CD4: variants seen among roughly 807,000 people sequenced by gnomAD.
CD4 encodes CD4 molecule.
Under a neutral mutation model 50.5 loss-of-function variants are expected in CD4, and 25 were observed. The observed-to-expected ratio is 0.49, with a 90% confidence interval of 0.36 to 0.69. The LOEUF (loss-of-function observed/expected upper bound fraction) is 0.69. CD4 is among the 30% of genes least tolerant of loss of function. The pLI is 0.00. For synonymous variants in CD4, 207 were observed against 221.9 expected (o/e 0.93, Z 0.60); for missense variants, 456 against 548.5 (o/e 0.83, Z 1.68).
rs200982580 is a variant in CD4, at chr12:6,818,378, G to C, written c.1157-43G>C. ...AGGGCAGTCCTCAGTCCCCTGGCCC[G>C]TGGAGGAGGGCGGTGCATTGAGCAC... On this transcript the variant is annotated intron_variant, in intron 7 of 9. Transcript: ENST00000011653. The surrounding 1 kb of genome is among the most constrained non-coding windows in gnomAD (Gnocchi z 5.0). The C allele has an allele frequency of 1.2e-6, 2 of 1,600,014 alleles. No homozygotes were observed.
At position 6,819,326 on chromosome 12, in the gene CD4, T is replaced by C; in HGVS notation, c.1374T>C (p.Ile458=). 1 of 1,614,128 alleles carries C rather than the reference T, an allele frequency of 6.2e-7. No individual in the cohort carries two copies. The highest frequency in any genetic ancestry group is 1.1e-5 in the South Asian group (1 of 91,082). ...PHRFQKTCSP[I] The stretch of plus-strand genomic sequence containing the variant: ...GGTTTCAGAAGACATGTAGCCCCAT[T>C]TGAGGCACGAGGCCAGGCAGATCCC... The change falls in exon 10 of 10, where the codon ATT becomes ATC. Residue 458 remains isoleucine (I), a synonymous_variant. Coordinates refer to ENST00000011653, the MANE Select transcript of CD4 (RefSeq NM_000616.5).
At position 6,819,905 on chromosome 12, in the gene CD4, A is replaced by G. The variant is rs2137936269; in HGVS notation, c.*576A>G. 6.5e-6 allele frequency: 1 copy of G among 154,052 alleles called. No individual in the cohort carries two copies. The highest frequency in any genetic ancestry group is 1.9e-4 in the East Asian group (1 of 5,204). The allele number at this position is 154,052 out of a possible 1,614,324, so 9.5% of individuals were successfully genotyped here. The stretch of plus-strand genomic sequence containing the variant: ...AAACAGCCCCTCTGGACACAGCCCC[A>G]TGTACACGGCCTCAAGGGATGTCTC... On this transcript the variant is annotated 3_prime_UTR_variant, in exon 10 of 10. Transcript: ENST00000011653.
intron 1 of CD4, among the ~76,000 whole-genome samples, chr12:6,789,907 G>T (rs1253404556): frequency 6.6e-6 from 1 of 152,218 alleles, no homozygotes; most frequent in Non-Finnish European, 1.5e-5. Flanking sequence ...AGAGCAATGG[G>T]TGCTCCTTAG....
Position 6,818,370 on chromosome 12 carries a change from C to T in CD4, c.1157-51C>T, listed in dbSNP as rs1555118427. 6.2e-7 allele frequency: 1 copy of T among 1,606,018 alleles called. No individual in the cohort carries two copies. Among genetic ancestry groups the T allele is most frequent in the Non-Finnish European group, 8.5e-7 (1 of 1,178,732 alleles). On this transcript the variant is annotated intron_variant, in intron 7 of 9. Transcript: ENST00000011653. This position sits in a 1 kb window ranked among gnomAD's most constrained non-coding sequence, Gnocchi z 5.0. ...GGGATTGCAGGGCAGTCCTCAGTCC[C>T]CTGGCCCGTGGAGGAGGGCGGTGCA...
chr12:6,814,318 G>A lies in CD4; in HGVS notation c.373+18G>A, dbSNP rs1457101557. 1 of 1,609,968 alleles carries A rather than the reference G, an allele frequency of 6.2e-7. No individual in the cohort carries two copies. The highest frequency in any genetic ancestry group is 8.5e-7 in the Non-Finnish European group (1 of 1,177,514). ...GTTCGGATGTGAGTGGGGCAGGTGG[G>A]GATGAGGATACCTCCTGCCTGGTTC... On this transcript the variant is annotated intron_variant, in intron 4 of 9. Transcript: ENST00000011653.
chr12:6,818,491 G>A lies in CD4; in HGVS notation c.1227G>A (p.Leu409=). The change falls in exon 8 of 10, where the codon CTG becomes CTA. Residue 409 remains leucine (L), a synonymous_variant. Coordinates refer to ENST00000011653, the MANE Select transcript of CD4 (RefSeq NM_000616.5). The surrounding 1 kb of genome is among the most constrained non-coding windows in gnomAD (Gnocchi z 5.0). ...TGCTGGGGGGCGTCGCCGGCCTCCT[G>A]CTTTTCATTGGGCTAGGCATCTTCT... is the stretch of plus-strand genomic sequence containing the variant. ...LIVLGGVAGL[L]LFIGLGIFFC... is the part of the protein sequence containing the mutation. The A allele has an allele frequency of 6.2e-7, 1 of 1,613,092 alleles. No individual in the cohort carries two copies.
At chr12:6,800,645 A>G (rs1328873208) in intron 3 of CD4, among the ~76,000 whole-genome samples, 174 bp downstream of exon 3, 1 of 152,164 alleles carries the variant, frequency 6.6e-6, no homozygotes, top group African/African-American at 2.4e-5. Flanking sequence ...TGGCCCAGGG[A>G]AAGGTGGTAT....
At chr12:6,802,367 G>T (rs1942591021) in intron 3 of CD4, among the ~76,000 whole-genome samples, 1 of 150,396 alleles carries the variant, frequency 6.6e-6, no homozygotes, top group Admixed American at 6.6e-5. Flanking sequence ...CTGCTGCCCA[G>T]GCTGGAGTAC....
At chr12:6,812,905 C>G (rs1555117231) in intron 3 of CD4, among the ~76,000 whole-genome samples, 1 of 151,186 alleles carries the variant, frequency 6.6e-6, no homozygotes, top group African/African-American at 2.4e-5. Context: ...TGTGCCTCAG[C>G]CTCCCAGTTT....
intron 4 of CD4, 81 bp downstream of exon 4, chr12:6,814,381 C>A: frequency 2.1e-6 from 3 of 1,453,740 alleles, no homozygotes; most frequent in Non-Finnish European, 2.8e-6. Flanking sequence ...CAAATCCAGC[C>A]TGAGCTGGTG....
intron 7 of CD4, among the ~76,000 whole-genome samples, chr12:6,817,893 GCA>G (rs1250887316): frequency 6.8e-6 from 1 of 147,688 alleles, no homozygotes; most frequent in South Asian, 2.2e-4. Context: ...ACACATTCAC[GCA>G]CATACTCTCA....
At chr12:6,810,196 C>T (rs1183106335) in intron 3 of CD4, among the ~76,000 whole-genome samples, 1 of 152,128 alleles carries the variant, frequency 6.6e-6, no homozygotes, top group Admixed American at 6.5e-5. Context: ...GCCACAGGCC[C>T]ATACCTCTTT....
At chr12:6,815,924 T>C (rs782043606) in intron 5 of CD4, 132 bp from the exon 6 acceptor site, 2 of 1,523,168 alleles carry the variant, frequency 1.3e-6, no homozygotes, top group East Asian at 4.9e-5. Flanking sequence ...CTGAAGTATC[T>C]GAAGTGACAA....
At chr12:6,817,851 A>G (rs1591566214) in intron 7 of CD4, among the ~76,000 whole-genome samples, 1 of 145,020 alleles carries the variant, frequency 6.9e-6, no homozygotes, top group South Asian at 2.2e-4. Context: ...ATACACACAC[A>G]TGTACTCACA....
At position 6,814,310 on chromosome 12, in the gene CD4, G is replaced by A. The variant is rs1555117533; in HGVS notation, c.373+10G>A. 2 of 1,612,248 alleles carry A rather than the reference G, an allele frequency of 1.2e-6. No individual in the cohort carries two copies. Among genetic ancestry groups the A allele is most frequent in the Admixed American group, 1.7e-5 (1 of 59,930 alleles). Reference sequence around the variant, plus strand: ...TTGCTAGTGTTCGGATGTGAGTGGGGCAGGTGGGGATGAGGATACCTCCTG... The same window carrying A: ...TTGCTAGTGTTCGGATGTGAGTGGGACAGGTGGGGATGAGGATACCTCCTG... On this transcript the variant is annotated intron_variant, in intron 4 of 9. Transcript: ENST00000011653.
chr12:6,790,739 C>T (rs902735721), intron 1 of CD4, among the ~76,000 whole-genome samples: 20 of 152,242 alleles, frequency 1.3e-4, no homozygotes, highest in Middle Eastern at 3.2e-3. Context: ...CCCCAGTGTC[C>T]TCTGCTTTCC....
chr12:6,801,989 T>G (rs1270791739), intron 3 of CD4, among the ~76,000 whole-genome samples: 1 of 151,474 alleles, frequency 6.6e-6, no homozygotes, highest in African/African-American at 2.4e-5. Context: ...TTCTCCTGCC[T>G]CAGCCTCCTG....
At chr12:6,815,672 G>A (rs1591563029) in intron 5 of CD4, 1 of 1,251,630 alleles carries the variant, frequency 8.0e-7, no homozygotes, top group African/African-American at 1.5e-5. Context: ...GTAAGGCACT[G>A]AAAATGGTGC....
At chr12:6,790,059 G>A (rs1247933438) in intron 1 of CD4, among the ~76,000 whole-genome samples, 1 of 152,086 alleles carries the variant, frequency 6.6e-6, no homozygotes, top group African/African-American at 2.4e-5. Flanking sequence ...GAAAAAGAGT[G>A]AAGAAGGGGA....
Sources: gnomAD v4.1 joint callset for allele counts (sites outside exome capture counted in the v4.1 genomes callset) on GRCh38, gnomAD v4.1.1 for gene constraint, Gnocchi (gnomAD v3.1) non-coding constraint, MANE v1.5 for transcripts, NCBI Gene and HGNC (gene_info 2026-07-23, HGNC 2026-07-21) for gene names.